Variants in FARS2 observed in about 807,000 individuals in gnomAD.
The protein encoded by FARS2 is phenylalanine--tRNA ligase, mitochondrial.
Under a neutral mutation model 46.4 loss-of-function variants are expected in FARS2, and 40 were observed. That is an observed-to-expected ratio of 0.86 (90% confidence interval 0.67 to 1.12). The LOEUF is 1.12. FARS2 is among the 50% of genes most tolerant of loss of function. FARS2 has a pLI of 0.00. For missense variants in FARS2, 513 were observed against 567.9 expected (o/e 0.90, Z 0.98); for synonymous variants, 234 against 214.9 (o/e 1.09, Z -0.78).
intron 6 of FARS2, among the ~76,000 whole-genome samples, chr6:5,648,915 G>A (rs1233357599): frequency 6.6e-6 from 1 of 152,140 alleles, no homozygotes; most frequent in Non-Finnish European, 1.5e-5. Context: ...GCACTTAGTA[G>A]GCGCTCAGTA....
rs78593158 is a variant in FARS2 at position 5,510,781 on chromosome 6, G to A, written c.905-34399G>A. The stretch of plus-strand genomic sequence containing the variant: ...CCACCCACCCCCCTCTTGTCCTCTT[G>A]TCCTTTTGGGGATTCACTGTCAGAG... On this transcript the variant is annotated intron_variant, in intron 4 of 6. Coordinates refer to ENST00000274680, the MANE Select transcript of FARS2 (RefSeq NM_006567.5). 4.5e-3 allele frequency among the ~76,000 whole-genome samples: 653 copies of A among 146,044 alleles called. 9 individuals carry two copies. Among genetic ancestry groups the A allele is most frequent in the African/African-American group, 0.016 (632 of 39,244 alleles).
At chr6:5,662,306 T>C (rs1482643714) in intron 6 of FARS2, among the ~76,000 whole-genome samples, 5 of 152,254 alleles carry the variant, frequency 3.3e-5, no homozygotes, top group Non-Finnish European at 7.3e-5. Context: ...TACATGCATG[T>C]TATTACTTTA....
chr6:5,759,868 C>G (rs1007755893), intron 6 of FARS2, among the ~76,000 whole-genome samples: 3 of 152,164 alleles, frequency 2.0e-5, no homozygotes, highest in African/African-American at 7.2e-5. Flanking sequence ...ACCAGAAGAC[C>G]CCTCTGGTGC....
At chr6:5,265,697 T>C (rs531299468) in intron 1 of FARS2, among the ~76,000 whole-genome samples, 2 of 152,332 alleles carry the variant, frequency 1.3e-5, no homozygotes, top group Non-Finnish European at 1.5e-5. Context: ...GTTTATACTT[T>C]AAATGCATTT....
chr6:5,750,341 C>T (rs774446357), intron 6 of FARS2, among the ~76,000 whole-genome samples: 2 of 152,116 alleles, frequency 1.3e-5, no homozygotes, highest in Non-Finnish European at 1.5e-5. Flanking sequence ...CCCTTCTCTC[C>T]TCGGACGCAG....
At chr6:5,375,908 A>G (rs531571818) in intron 2 of FARS2, among the ~76,000 whole-genome samples, 5 of 152,270 alleles carry the variant, frequency 3.3e-5, no homozygotes, top group African/African-American at 1.2e-4. Flanking sequence ...ATAGAATATA[A>G]TATCATAAAC....
intron 4 of FARS2, among the ~76,000 whole-genome samples, chr6:5,465,738 T>C (rs985910201): frequency 6.6e-6 from 1 of 152,126 alleles, no homozygotes; most frequent in African/African-American, 2.4e-5. Context: ...TTTTTTTCTT[T>C]CAATAAATGG....
intron 6 of FARS2, among the ~76,000 whole-genome samples, chr6:5,688,638 T>C (rs555356524): frequency 2.0e-5 from 3 of 152,366 alleles, no homozygotes; most frequent in Admixed American, 2.0e-4. Context: ...TTGATGTTCA[T>C]GAGGGATATT....
chr6:5,290,870 C>T (rs1581703927), intron 1 of FARS2, among the ~76,000 whole-genome samples: 1 of 152,320 alleles, frequency 6.6e-6, no homozygotes, highest in African/African-American at 2.4e-5. Flanking sequence ...CAGGCACACA[C>T]CACCATGCCC....
At chr6:5,381,383 A>ACACACC (rs1759769539) in intron 2 of FARS2, among the ~76,000 whole-genome samples, 2 of 126,888 alleles carry the variant, frequency 1.6e-5, no homozygotes, top group Admixed American at 7.7e-5. Context: ...ACACACACAC[A>ACACACC]CACACACACA....
At chr6:5,703,208 A>T (rs1009938567) in intron 6 of FARS2, among the ~76,000 whole-genome samples, 21 of 152,168 alleles carry the variant, frequency 1.4e-4, no homozygotes, top group African/African-American at 4.8e-4. Flanking sequence ...CAGGGATGGG[A>T]GATTTTCACA....
At chr6:5,483,466 A>G (rs559100161) in intron 4 of FARS2, among the ~76,000 whole-genome samples, 1 of 152,230 alleles carries the variant, frequency 6.6e-6, no homozygotes, top group East Asian at 1.9e-4. Flanking sequence ...TCACGAGGTC[A>G]AGATCAGCCT....
the FARS2 span, among the ~76,000 whole-genome samples, chr6:5,255,692 G>A: frequency 1.3e-5 from 2 of 151,932 alleles, no homozygotes; most frequent in African/African-American, 4.8e-5. Context: ...CCGTAGCCAC[G>A]AATTTTCTCA....
At chr6:5,281,720 A>G (rs989248739) in intron 1 of FARS2, among the ~76,000 whole-genome samples, 1 of 151,948 alleles carries the variant, frequency 6.6e-6, no homozygotes, top group Non-Finnish European at 1.5e-5. Context: ...ATATATAGTA[A>G]TGATATCTCT....
At chr6:5,595,631 AG>A (rs1183422817) in intron 5 of FARS2, among the ~76,000 whole-genome samples, 1 of 152,196 alleles carries the variant, frequency 6.6e-6, no homozygotes, top group Non-Finnish European at 1.5e-5. Flanking sequence ...ACTCTTCCCC[AG>A]GTTACAGACT....
chr6:5,398,889 A>C (rs946177254), intron 2 of FARS2, among the ~76,000 whole-genome samples: 21 of 152,246 alleles, frequency 1.4e-4, no homozygotes, highest in African/African-American at 4.8e-4. Context: ...GTAGTTTCAT[A>C]ATTGTTAACA....
In FARS2 at chr6:5,432,424, T is replaced by A. The variant is rs1389209447; in HGVS notation, c.904+1252T>A. Reference sequence around the variant, plus strand: ...ATTATGTATTATATATAATATATAATATATTATAAATATAATATATAAAAT... The same window carrying A: ...ATTATGTATTATATATAATATATAAAATATTATAAATATAATATATAAAAT... On this transcript the variant is annotated intron_variant, in intron 4 of 6. Transcript: ENST00000274680. Among the ~76,000 whole-genome samples, 231 of 128,154 alleles carry A rather than the reference T, an allele frequency of 1.8e-3. 1 individual carries two copies. Among genetic ancestry groups the A allele is most frequent in the Non-Finnish European group, 3.4e-3 (215 of 62,840 alleles). 84.1% of individuals were successfully genotyped at this position (128,154 alleles called of 152,430 possible). A position where few individuals can be genotyped will look rare whatever the true frequency, so the allele number is the denominator to read the frequency against.
chr6:5,696,495 C>G (rs886817251), intron 6 of FARS2, among the ~76,000 whole-genome samples: 2 of 151,984 alleles, frequency 1.3e-5, no homozygotes. Flanking sequence ...ATTAAATATT[C>G]CACAATAGGT....
At chr6:5,487,756 G>A (rs1363798947) in intron 4 of FARS2, among the ~76,000 whole-genome samples, 1 of 152,168 alleles carries the variant, frequency 6.6e-6, no homozygotes, top group African/African-American at 2.4e-5. Context: ...TGAATGGTTT[G>A]ACCAGACTGC....
Sources: allele counts gnomAD v4.1 joint callset (sites outside exome capture counted in the v4.1 genomes callset), GRCh38; gene constraint gnomAD v4.1.1; transcripts MANE v1.5; gene names NCBI Gene and HGNC (gene_info 2026-07-23, HGNC 2026-07-21).